The following RPS6KC1 variants were observed in gnomAD, a reference collection of about 807,000 sequenced individuals.
RPS6KC1 encodes ribosomal protein S6 kinase C1, also known as inactive ribosomal protein S6 kinase delta-1.
In RPS6KC1, 54 loss-of-function variants were observed where a neutral mutation model predicts 103.8. The observed-to-expected ratio is 0.52, with a 90% CI of 0.42 to 0.65. RPS6KC1 has a LOEUF of 0.65. Among genes scored for constraint, RPS6KC1 ranks in the 30% least tolerant of loss-of-function variants. The probability of loss-of-function intolerance (pLI) is 0.00; values close to 1 mark genes in which losing one functional copy is unlikely to be tolerated. For missense variants in RPS6KC1, 1,151 were observed against 1,253.8 expected (o/e 0.92, Z 1.24); for synonymous variants, 439 against 438.7 (o/e 1.00, Z -0.01).
At chr1:213,303,551 G>T in the RPS6KC1 span, among the ~76,000 whole-genome samples, 1 of 151,994 alleles carries the variant, frequency 6.6e-6, no homozygotes, top group East Asian at 1.9e-4. Context: ...TGGAATGTGG[G>T]GCCTGGCTCT....
At chr1:213,064,392 T>C in intron 1 of RPS6KC1, among the ~76,000 whole-genome samples, 1 of 146,366 alleles carries the variant, frequency 6.8e-6, no homozygotes, top group East Asian at 2.1e-4. Flanking sequence ...TTTGAGGGGT[T>C]GTTTCACTCT....
the RPS6KC1 span, among the ~76,000 whole-genome samples, chr1:213,427,005 G>A: frequency 6.6e-6 from 1 of 152,200 alleles, no homozygotes; most frequent in African/African-American, 2.4e-5. Context: ...AGGCAAGTAA[G>A]AGCCCAAGTC....
chr1:213,393,066 T>A, the RPS6KC1 span, among the ~76,000 whole-genome samples: 1 of 152,228 alleles, frequency 6.6e-6, no homozygotes, highest in East Asian at 1.9e-4. Context: ...TGACAATAGA[T>A]GTGGAAATAA....
At chr1:213,816,130 T>C in the RPS6KC1 span, among the ~76,000 whole-genome samples, 4 of 152,070 alleles carry the variant, frequency 2.6e-5, 1 homozygote, top group Admixed American at 1.3e-4. Context: ...TCAAAACAAC[T>C]ACAATAGTAA....
chr1:213,630,797 A>C, the RPS6KC1 span, among the ~76,000 whole-genome samples: 2 of 151,984 alleles, frequency 1.3e-5, no homozygotes, highest in Non-Finnish European at 2.9e-5. Context: ...TTCTAACAGT[A>C]AGGACCCTCA....
the RPS6KC1 span, among the ~76,000 whole-genome samples, chr1:213,431,661 G>A: frequency 6.6e-6 from 1 of 151,178 alleles, no homozygotes; most frequent in Non-Finnish European, 1.5e-5. Context: ...GTGTATGTGT[G>A]TGTGTGTGTG....
chr1:213,485,950 C>T, the RPS6KC1 span, among the ~76,000 whole-genome samples: 3 of 152,188 alleles, frequency 2.0e-5, no homozygotes, highest in Admixed American at 2.0e-4. Context: ...TACTCTTGCT[C>T]TCACCCTTCT....
At chr1:213,539,429 TC>T in the RPS6KC1 span, among the ~76,000 whole-genome samples, 5 of 152,366 alleles carry the variant, frequency 3.3e-5, no homozygotes, top group South Asian at 1.0e-3. Context: ...CACAGCAGTT[TC>T]TTTTTCATGA....
At chr1:213,539,472 T>G in the RPS6KC1 span, among the ~76,000 whole-genome samples, 1 of 152,228 alleles carries the variant, frequency 6.6e-6, no homozygotes, top group African/African-American at 2.4e-5. Flanking sequence ...ATAGGATTTT[T>G]GGGGTCTTCT....
chr1:213,792,731 G>A, the RPS6KC1 span, among the ~76,000 whole-genome samples: 2 of 152,152 alleles, frequency 1.3e-5, no homozygotes, highest in Non-Finnish European at 2.9e-5. Flanking sequence ...AGTTAATACT[G>A]TAAAGCATTA....
chr1:213,602,441 C>T, the RPS6KC1 span, among the ~76,000 whole-genome samples: 1 of 151,586 alleles, frequency 6.6e-6, no homozygotes. Context: ...CCACATTGCC[C>T]AGGCTGGTTT....
At chr1:213,433,962 A>G in the RPS6KC1 span, among the ~76,000 whole-genome samples, 332 of 152,168 alleles carry the variant, frequency 2.2e-3, 1 homozygote, top group African/African-American at 7.4e-3. Flanking sequence ...AGAAAGTCCA[A>G]TTTATAAATT....
chr1:213,739,546 AC>A, the RPS6KC1 span, among the ~76,000 whole-genome samples: 1 of 152,182 alleles, frequency 6.6e-6, no homozygotes. Context: ...GGAAAAAGAC[AC>A]CATGTTCCAG....
the RPS6KC1 span, among the ~76,000 whole-genome samples, chr1:213,475,438 T>G: frequency 1.3e-5 from 2 of 152,240 alleles, no homozygotes; most frequent in Non-Finnish European, 2.9e-5. Flanking sequence ...GGGTGCGTGC[T>G]GTGCCCTGCT....
chr1:213,844,962 C>T, the RPS6KC1 span, among the ~76,000 whole-genome samples: 33 of 151,990 alleles, frequency 2.2e-4, no homozygotes, highest in South Asian at 5.4e-3. Flanking sequence ...CCCCACATTA[C>T]GGGAAATACA....
rs1433245094 is a variant in RPS6KC1 at position 213,273,947 on chromosome 1, G to T, written c.*1313G>T. 6.6e-6 allele frequency: 1 copy of T among 152,072 alleles called. No homozygotes were observed. The highest frequency in any genetic ancestry group is 1.5e-5 in the Non-Finnish European group (1 of 68,008). The allele number at this position is 152,072 out of a possible 1,614,324, so 9.4% of individuals were successfully genotyped here. A position where few individuals can be genotyped will look rare whatever the true frequency, so the allele number is the denominator to read the frequency against. The stretch of plus-strand genomic sequence containing the variant: ...TCTTCTTTGCATTTTTGAGATCTGT[G>T]TGAGAGCCCAACCCCACTCCAGGAG... On this transcript the variant is annotated 3_prime_UTR_variant, in exon 15 of 15. Coordinates refer to ENST00000366960, the MANE Select transcript of RPS6KC1 (RefSeq NM_012424.6).
the RPS6KC1 span, among the ~76,000 whole-genome samples, chr1:213,853,050 A>G: frequency 1.3e-5 from 2 of 152,124 alleles, no homozygotes; most frequent in African/African-American, 2.4e-5. Context: ...TGGATCATCC[A>G]TCCCTCTGGA....
the RPS6KC1 span, among the ~76,000 whole-genome samples, chr1:213,784,992 A>G: frequency 6.6e-6 from 1 of 152,310 alleles, no homozygotes; most frequent in African/African-American, 2.4e-5. Flanking sequence ...AAATGGAAAA[A>G]GGGTGAAGCT....
chr1:213,246,442 C>CT (rs1573572892), intron 12 of RPS6KC1, among the ~76,000 whole-genome samples: 2 of 151,968 alleles, frequency 1.3e-5, no homozygotes, highest in Admixed American at 6.6e-5. Flanking sequence ...GGTTCTTCTG[C>CT]TTTTTTTGTT....
Sources: allele counts gnomAD v4.1 joint callset (sites outside exome capture counted in the v4.1 genomes callset), GRCh38; gene constraint gnomAD v4.1.1; transcripts MANE v1.5; gene names NCBI Gene and HGNC (gene_info 2026-07-23, HGNC 2026-07-21).